ERCC2: variants seen among roughly 807,000 people sequenced by gnomAD.
The protein encoded by ERCC2 is general transcription and DNA repair factor IIH helicase subunit XPD.
In ERCC2, 90 loss-of-function variants were observed where a neutral mutation model predicts 99.4. The observed-to-expected ratio is 0.91, with a 90% CI of 0.76 to 1.08. The LOEUF is 1.08. Among genes scored for constraint, ERCC2 ranks in the 50% least tolerant of loss-of-function variants. The probability of loss-of-function intolerance (pLI) is 0.00; values close to 1 mark genes in which losing one functional copy is unlikely to be tolerated. For missense variants in ERCC2, 993 were observed against 1,038.1 expected (o/e 0.96, Z 0.60); for synonymous variants, 497 against 432.4 (o/e 1.15, Z -1.85).
intron 2 of ERCC2, 24 bp downstream of exon 2, chr19:45,370,109 G>C (rs753110109): frequency 1.9e-6 from 3 of 1,611,056 alleles, no homozygotes; most frequent in Non-Finnish European, 2.5e-6. Flanking sequence ...TCGAGTGGGC[G>C]GGTCGGGCCC....
In ERCC2 at chr19:45,353,057, G is replaced by A. The variant is rs3916878; in HGVS notation, c.1831+26C>T. 6.0e-4 allele frequency: 967 copies of A among 1,606,224 alleles called. 1 individual carries two copies. Among genetic ancestry groups the A allele is most frequent in the Admixed American group, 1.7e-3 (101 of 59,996 alleles). ...TCCAGAGAGCTCTGGGAAGACACCT[G>A]GGGAGGAAGAGCCCAGTCCACTCAC... On this transcript the variant is annotated intron_variant, in intron 19 of 22. Transcript: ENST00000391945.
chr19:45,352,364 AGCGCAG>A lies in ERCC2; in HGVS notation c.2047-18_2047-13del, dbSNP rs776240435. 1.9e-6 allele frequency: 3 copies of A among 1,613,774 alleles called. No homozygotes were observed. Among genetic ancestry groups the A allele is most frequent in the Non-Finnish European group, 2.5e-6 (3 of 1,179,912 alleles). ...CCACGGGCAAACCGCTGTGGGCAGAAGCGCAGGCCAGGGACAGAAGGTCATTCGGGG... is the reference window on the plus strand; with the variant it reads ...CCACGGGCAAACCGCTGTGGGCAGAAGCCAGGGACAGAAGGTCATTCGGGG... On this transcript the variant is annotated splice_polypyrimidine_tract_variant and intron_variant, in intron 21 of 22. Coordinates refer to ENST00000391945, the MANE Select transcript of ERCC2 (RefSeq NM_000400.4).
chr19:45,352,234 C>G lies in ERCC2; in HGVS notation c.2165G>C (p.Arg722Pro), dbSNP rs138569838. The change falls in exon 22 of 23, where the codon CGG (arginine) becomes CCG (proline). Residue 722 changes from arginine to proline, a missense_variant. Transcript: ENST00000391945. ...EGVQVAKYFL[R>P]QMAQPFHRED... is the part of the protein sequence containing the mutation. ...CCGGTGGAAGGGCTGTGCCATCTGC[C>G]GCAGGAAGTACTTGGCCACCTGGAC... 2 of 1,614,002 alleles carry G rather than the reference C, an allele frequency of 1.2e-6. No homozygotes were observed. The highest frequency in any genetic ancestry group is 2.2e-5 in the East Asian group (1 of 44,878).
intron 15 of ERCC2, among the ~76,000 whole-genome samples, chr19:45,357,018 T>C (rs1972035348): frequency 6.6e-6 from 1 of 152,196 alleles, no homozygotes; most frequent in Non-Finnish European, 1.5e-5. Flanking sequence ...TTTACCCCAG[T>C]TCTCTCTCTC....
chr19:45,351,902 G>A (rs548009657), intron 22 of ERCC2, among the ~76,000 whole-genome samples, 181 bp from the exon 23 acceptor site: 1 of 152,200 alleles, frequency 6.6e-6, no homozygotes, highest in African/African-American at 2.4e-5. Flanking sequence ...GCTGAGGGAG[G>A]AGCCAGCTAG....
In ERCC2 at chr19:45,364,926, G is replaced by A. The variant is rs778982397; in HGVS notation, c.506C>T (p.Pro169Leu). ...CAGGTTGTAGATGCCAGCGGGGAGG[G>A]GCACCTCACGCCCATGGGCATCAAA... ...EEFDAHGREVPLPAGIYNLDD... is the reference protein window; with the variant it reads ...EEFDAHGREVLLPAGIYNLDD... Residue 169 changes from proline (P) to leucine (L), a missense_variant, in exon 7 of 23, where the codon CCC (proline) becomes CTC (leucine). Pro to Leu is a moderately conservative substitution (Grantham distance 98). Coordinates refer to ENST00000391945, the MANE Select transcript of ERCC2 (RefSeq NM_000400.4). The A allele has an allele frequency of 4.3e-6, 7 of 1,614,092 alleles. No individual in the cohort carries two copies. In the South Asian group the frequency reaches 5.5e-5, roughly 13 times the overall value.
chr19:45,350,748 G>A lies in ERCC2; in HGVS notation c.*881C>T. 6.2e-7 allele frequency: 1 copy of A among 1,609,084 alleles called. No individual in the cohort carries two copies. The highest frequency in any genetic ancestry group is 8.5e-7 in the Non-Finnish European group (1 of 1,178,004). Reference sequence around the variant, plus strand: ...GCGAGGCGGCGGCAGGAGCAGCCGGGTGAGTGTTGATCAGGTCGGCAAAGA... The same window carrying A: ...GCGAGGCGGCGGCAGGAGCAGCCGGATGAGTGTTGATCAGGTCGGCAAAGA... On this transcript the variant is annotated 3_prime_UTR_variant, in exon 23 of 23. Transcript: ENST00000391945.
intron 1 of ERCC2, 95 bp downstream of exon 1, chr19:45,370,441 T>G: frequency 6.1e-6 from 3 of 490,998 alleles, no homozygotes; most frequent in Non-Finnish European, 5.5e-6. Context: ...CACCCTCCCC[T>G]CGCCCCCTTG....
rs200588470 is a variant in ERCC2 at position 45,357,534 on chromosome 19, G to T, written c.1317C>A (p.Asp439Glu). The change falls in exon 14 of 23, where the codon GAC becomes GAA. Residue 439 changes from aspartate to glutamate, a missense_variant. By Grantham distance (45) the Asp-to-Glu change is conservative (BLOSUM62 2). Coordinates refer to ENST00000391945, the MANE Select transcript of ERCC2 (RefSeq NM_000400.4). ...ATACGGGTTTGATGGCCAGCGAGGC[G>T]TCCATGCAGCTGGAGAGAGATGAGG... is the stretch of plus-strand genomic sequence containing the variant. Reference protein sequence around the residue: ...ANPILHFSCMDASLAIKPVFE... With the variant: ...ANPILHFSCMEASLAIKPVFE... The T allele has an allele frequency of 6.2e-7, 1 of 1,614,186 alleles. No homozygotes were observed. The highest frequency in any genetic ancestry group is 1.3e-5 in the African/African-American group (1 of 75,050).
chr19:45,362,965 G>A (rs1460344197), intron 11 of ERCC2, among the ~76,000 whole-genome samples: 1 of 152,178 alleles, frequency 6.6e-6, no homozygotes, highest in African/African-American at 2.4e-5. Context: ...ACTGAGGTAA[G>A]GAACATAAAG....
intron 22 of ERCC2, among the ~76,000 whole-genome samples, 167 bp from the exon 23 acceptor site, chr19:45,351,888 T>C (rs868187921): frequency 1.8e-4 from 28 of 152,122 alleles, no homozygotes; most frequent in African/African-American, 6.8e-4. Flanking sequence ...CAACATAAGA[T>C]GGGGCTGAGG....
chr19:45,353,381 T>C (rs746421453), intron 17 of ERCC2, 47 bp from the exon 18 acceptor site: 5 of 1,337,024 alleles, frequency 3.7e-6, no homozygotes, highest in Non-Finnish European at 5.3e-6. Context: ...GGCACAGCCA[T>C]CCTGGTTACA....
chr19:45,352,220 G>A lies in ERCC2; in HGVS notation c.2179C>T (p.Pro727Ser). Residue 727 changes from proline (P) to serine (S), a missense_variant, in exon 22 of 23, where the codon CCC (proline) becomes TCC (serine). Transcript: ENST00000391945. ...GACGCAGGCCTCACCCGGTGGAAGG[G>A]CTGTGCCATCTGCCGCAGGAAGTAC... ...AKYFLRQMAQPFHREDQLGLS... is the reference protein window; with the variant it reads ...AKYFLRQMAQSFHREDQLGLS... The A allele has an allele frequency of 6.2e-7, 1 of 1,613,912 alleles. No homozygotes were observed.
Position 45,364,832 on chromosome 19 carries a change from C to A in ERCC2, c.594+6G>T, listed in dbSNP as rs750963665. 1.9e-6 allele frequency: 3 copies of A among 1,606,238 alleles called. No homozygotes were observed. Among genetic ancestry groups the A allele is most frequent in the South Asian group, 1.1e-5 (1 of 90,800 alleles). On this transcript the variant is annotated splice_donor_region_variant and intron_variant, in intron 7 of 22. Transcript: ENST00000391945. ...GCCCCTCTGCCCATCCCACCAGCCT[C>A]CTCACTGAGTATCGAGCAAGGAAGT...
chr19:45,358,720 C>T, intron 12 of ERCC2: 1 of 700,344 alleles, frequency 1.4e-6, no homozygotes, highest in South Asian at 1.5e-5. Context: ...CCTCCCCAGC[C>T]ACCTTTTCTA....
At chr19:45,357,109 C>T (rs764703346) in intron 15 of ERCC2, among the ~76,000 whole-genome samples, 161 bp downstream of exon 15, 36 of 152,208 alleles carry the variant, frequency 2.4e-4, no homozygotes, top group Non-Finnish European at 2.8e-4. Context: ...GAGAGTCGAG[C>T]CCACAGAGAA....
At chr19:45,362,695 A>G (rs765029001) in intron 11 of ERCC2, among the ~76,000 whole-genome samples, 1 of 152,236 alleles carries the variant, frequency 6.6e-6, no homozygotes, top group Non-Finnish European at 1.5e-5. Context: ...AGCATGAAGC[A>G]GGCACTTGGG....
intron 12 of ERCC2, 47 bp downstream of exon 12, chr19:45,361,477 T>C (rs1425845139): frequency 7.3e-7 from 1 of 1,363,512 alleles, no homozygotes; most frequent in Non-Finnish European, 1.1e-6. Flanking sequence ...GGGACCCTGA[T>C]TCCAGCTGCT....
intron 20 of ERCC2, 39 bp from the exon 21 acceptor site, chr19:45,352,688 A>G: frequency 6.2e-7 from 1 of 1,613,720 alleles, no homozygotes; most frequent in East Asian, 2.2e-5. Flanking sequence ...GAGGTGGGGG[A>G]GCCACTCCTC....
Sources: gnomAD v4.1 joint callset for allele counts (sites outside exome capture counted in the v4.1 genomes callset) on GRCh38, gnomAD v4.1.1 for gene constraint, MANE v1.5 for transcripts, NCBI Gene and HGNC (gene_info 2026-07-23, HGNC 2026-07-21) for gene names.